MYZAP: variants seen among roughly 807,000 people sequenced by gnomAD.
MYZAP encodes myocardial zonula adherens protein, also known as GRINL1A complex locus upstream.
In MYZAP, 66 loss-of-function variants were observed where a neutral mutation model predicts 69.4. That is an observed-to-expected ratio of 0.95 (90% CI 0.78 to 1.17). MYZAP has a LOEUF of 1.17. Ranked by LOEUF, MYZAP falls within the 50% of genes most tolerant of loss-of-function variation. The pLI, the probability that MYZAP is intolerant of heterozygous loss-of-function variation, is 0.00. For missense variants in MYZAP, 611 were observed against 556.2 expected, an observed-to-expected ratio of 1.10 and a Z score of -0.99; for synonymous variants, 256 against 205.9, an observed-to-expected ratio of 1.24 and a Z score of -2.09.
chr15:57,618,002 A>T (rs753208716), intron 2 of MYZAP, 31 bp from the exon 3 acceptor site: 1 of 1,604,378 alleles, frequency 6.2e-7, no homozygotes, highest in Admixed American at 1.7e-5. Flanking sequence ...AAGAGTCATT[A>T]TTCTTTTTTT....
intron 11 of MYZAP, among the ~76,000 whole-genome samples, chr15:57,667,385 C>T (rs1431702862): frequency 2.6e-5 from 4 of 152,272 alleles, no homozygotes; most frequent in Non-Finnish European, 4.4e-5. Flanking sequence ...TTTCTCCCTT[C>T]GTGAAAGGCA....
chr15:57,658,379 C>A (rs1279226646), intron 10 of MYZAP, among the ~76,000 whole-genome samples: 1 of 152,142 alleles, frequency 6.6e-6, no homozygotes, highest in African/African-American at 2.4e-5. Context: ...TAATTCCTTG[C>A]TATTATTTAA....
intron 1 of MYZAP, among the ~76,000 whole-genome samples, chr15:57,594,033 G>A (rs2033896567): frequency 6.6e-6 from 1 of 152,228 alleles, no homozygotes; most frequent in African/African-American, 2.4e-5. Flanking sequence ...AGTGGTGATG[G>A]TTATAGTGGG....
chr15:57,678,338 G>A (rs2039246868), intron 12 of MYZAP, among the ~76,000 whole-genome samples: 1 of 151,906 alleles, frequency 6.6e-6, no homozygotes, highest in African/African-American at 2.4e-5. Flanking sequence ...CTCCAGCCTG[G>A]GCCTGGGCAA....
chr15:57,653,205 A>G (rs1470733833), intron 10 of MYZAP, among the ~76,000 whole-genome samples: 1 of 152,198 alleles, frequency 6.6e-6, no homozygotes, highest in African/African-American at 2.4e-5. Flanking sequence ...TTTGAAAACA[A>G]TGAAATGAAA....
intron 11 of MYZAP, among the ~76,000 whole-genome samples, chr15:57,668,121 G>A (rs530234050): frequency 6.6e-6 from 1 of 152,276 alleles, no homozygotes; most frequent in South Asian, 2.1e-4. Flanking sequence ...TAAGTTGTAT[G>A]CATTCCCTTT....
At chr15:57,660,441 A>C (rs1485870106) in intron 10 of MYZAP, among the ~76,000 whole-genome samples, 2 of 152,038 alleles carry the variant, frequency 1.3e-5, no homozygotes, top group Non-Finnish European at 1.5e-5. Flanking sequence ...CAGCCTCCCA[A>C]GTAGCTGGGA....
chr15:57,642,590 G>A (rs778255631), intron 10 of MYZAP, among the ~76,000 whole-genome samples: 1 of 152,024 alleles, frequency 6.6e-6, no homozygotes, highest in South Asian at 2.1e-4. Context: ...TGGAAGTCTC[G>A]TCTCCATCCA....
At chr15:57,632,150 G>T (rs117685055) in intron 6 of MYZAP, among the ~76,000 whole-genome samples, 2 of 152,232 alleles carry the variant, frequency 1.3e-5, no homozygotes, top group African/African-American at 4.8e-5. Flanking sequence ...ATGAGATTGC[G>T]TAGAGAAATA....
intron 4 of MYZAP, among the ~76,000 whole-genome samples, chr15:57,625,574 G>C (rs1198179820): frequency 2.0e-5 from 3 of 152,122 alleles, no homozygotes; most frequent in Admixed American, 1.3e-4. Context: ...GCTAAATGAG[G>C]GTCTGTGAGT....
chr15:57,679,420 C>T (rs1461454496), intron 12 of MYZAP, among the ~76,000 whole-genome samples: 1 of 145,210 alleles, frequency 6.9e-6, no homozygotes. Context: ...ATATGAGCTC[C>T]ATGAGGGCAG....
Position 57,610,692 on chromosome 15 carries a change from T to C in MYZAP, c.162+6337T>C, listed in dbSNP as rs551424190. ...ACGTTGATAAATGTGGAAGTTCTAT[T>C]GGTAAAGCAGTCAAGGTGCAGCGGG... On this transcript the variant is annotated intron_variant, in intron 2 of 12. Transcript: ENST00000267853. Among the ~76,000 whole-genome samples the C allele has an allele frequency of 1.0e-3, 158 of 152,274 alleles. 1 individual carries two copies. The highest frequency in any genetic ancestry group is 3.8e-3 in the African/African-American group (157 of 41,550).
chr15:57,677,644 AC>A (rs1265188911), intron 12 of MYZAP, among the ~76,000 whole-genome samples: 1 of 152,224 alleles, frequency 6.6e-6, no homozygotes, highest in East Asian at 1.9e-4. Context: ...TTAGACCAAT[AC>A]AAGCATTGAA....
At chr15:57,661,134 G>A (rs1314161976) in intron 10 of MYZAP, among the ~76,000 whole-genome samples, 4 of 152,174 alleles carry the variant, frequency 2.6e-5, no homozygotes, top group African/African-American at 9.7e-5. Flanking sequence ...GGGTTACACA[G>A]CAAAATCAGT....
chr15:57,648,215 T>C, intron 10 of MYZAP: 1 of 985,434 alleles, frequency 1.0e-6, no homozygotes. Flanking sequence ...GTGTTATATG[T>C]ATTATTTAAA....
intron 12 of MYZAP, among the ~76,000 whole-genome samples, chr15:57,675,936 C>T (rs1451757626): frequency 6.6e-6 from 1 of 152,064 alleles, no homozygotes; most frequent in Non-Finnish European, 1.5e-5. Flanking sequence ...TGAACAGGGG[C>T]ACTTGTGTGT....
At chr15:57,668,520 C>T (rs545801484) in intron 11 of MYZAP, among the ~76,000 whole-genome samples, 1 of 152,024 alleles carries the variant, frequency 6.6e-6, no homozygotes, top group Non-Finnish European at 1.5e-5. Flanking sequence ...GCTTTGAAAG[C>T]TCCAAAATAA....
intron 10 of MYZAP, among the ~76,000 whole-genome samples, chr15:57,653,254 A>T (rs1272513702): frequency 8.5e-5 from 13 of 152,210 alleles, no homozygotes; most frequent in Admixed American, 8.5e-4. Flanking sequence ...CAAATAAAAT[A>T]ATTTAAAATG....
intron 10 of MYZAP, among the ~76,000 whole-genome samples, chr15:57,648,962 A>G (rs1395842555): frequency 6.6e-6 from 1 of 151,610 alleles, no homozygotes; most frequent in African/African-American, 2.4e-5. Context: ...TAAAATTAGT[A>G]TGTGGCTTAG....
Sources: gnomAD v4.1 joint callset for allele counts (sites outside exome capture counted in the v4.1 genomes callset) on GRCh38, gnomAD v4.1.1 for gene constraint, MANE v1.5 for transcripts, NCBI Gene and HGNC (gene_info 2026-07-23, HGNC 2026-07-21) for gene names.